Variants in SCOC observed in about 807,000 individuals in gnomAD.
SCOC encodes short coiled-coil protein, also known as short coiled coil protein.
SCOC carries 7 observed loss-of-function variants against 9.9 expected under a neutral mutation model. That is an observed-to-expected ratio of 0.71 (90% CI 0.40 to 1.33). SCOC has a LOEUF of 1.33. Among genes scored for constraint, SCOC ranks in the 40% most tolerant of loss-of-function variants. The pLI, the probability that SCOC is intolerant of heterozygous loss-of-function variation, is 0.01. For missense variants in SCOC, 66 were observed against 89.7 expected (o/e 0.74, Z 1.07); for synonymous variants, 19 against 28.2 (o/e 0.67, Z 1.03).
intron 2 of SCOC, among the ~76,000 whole-genome samples, chr4:140,362,304 T>TCTTCTTCTTCTTCTTCTTCC (rs1415210513): frequency 1.8e-5 from 1 of 55,144 alleles, no homozygotes; most frequent in Non-Finnish European, 4.1e-5. Flanking sequence ...TTCTTCTTTT[T>TCTTCTTCTTCTTCTTCTTCC]TTTTTTTTTT....
At chr4:140,365,809 G>GT (rs1727768687) in intron 2 of SCOC, among the ~76,000 whole-genome samples, 1 of 152,000 alleles carries the variant, frequency 6.6e-6, no homozygotes, top group Non-Finnish European at 1.5e-5. Context: ...TTACTTTATT[G>GT]TAAGAATACA....
chr4:140,377,676 A>G (rs553191018), intron 1 of SCOC, among the ~76,000 whole-genome samples: 1 of 152,320 alleles, frequency 6.6e-6, no homozygotes, highest in African/African-American at 2.4e-5. Context: ...AACAGGATTT[A>G]TGTAGATGTA....
intron 1 of SCOC, among the ~76,000 whole-genome samples, chr4:140,278,546 G>C (rs942838415): frequency 6.6e-6 from 1 of 152,060 alleles, no homozygotes; most frequent in Non-Finnish European, 1.5e-5. Flanking sequence ...TTGTCCACCC[G>C]CCTCAGCCTC....
intron 1 of SCOC, among the ~76,000 whole-genome samples, chr4:140,305,454 A>T (rs896051624): frequency 1.3e-5 from 2 of 152,222 alleles, no homozygotes; most frequent in Non-Finnish European, 2.9e-5. Context: ...ATCTGTATGG[A>T]CCTTAAAATT....
In SCOC at chr4:140,277,244, G is replaced by C. The variant is rs1731004451; in HGVS notation, c.-19+19834G>C. Among the ~76,000 whole-genome samples, 7 of 152,204 alleles carry C rather than the reference G, an allele frequency of 4.6e-5. No homozygotes were observed. The South Asian group carries it at 1.5e-3, about 32-fold the overall frequency. On this transcript the variant is annotated intron_variant, in intron 1 of 4. Transcript: ENST00000394205. ...TACAGGCCAAGAGGGAATAGGCCAA[G>C]AGGGAATATAACTTTCAGGTAGAGG...
chr4:140,304,531 G>A (rs1731908327), intron 1 of SCOC, among the ~76,000 whole-genome samples: 3 of 152,164 alleles, frequency 2.0e-5, no homozygotes. Flanking sequence ...TGTTGCCTAG[G>A]AACTGGGGCT....
At chr4:140,365,337 A>G (rs149513105) in intron 2 of SCOC, among the ~76,000 whole-genome samples, 9 of 152,346 alleles carry the variant, frequency 5.9e-5, no homozygotes, top group African/African-American at 1.9e-4. Context: ...TAGAAGAGGC[A>G]GTGCCAGAAA....
chr4:140,279,953 A>G (rs1238168692), intron 1 of SCOC, among the ~76,000 whole-genome samples: 1 of 152,198 alleles, frequency 6.6e-6, no homozygotes, highest in Non-Finnish European at 1.5e-5. Context: ...AACATAGCAA[A>G]TACATTTTAG....
chr4:140,328,488 A>T (rs1013416496), intron 1 of SCOC, among the ~76,000 whole-genome samples: 1 of 152,162 alleles, frequency 6.6e-6, no homozygotes, highest in Non-Finnish European at 1.5e-5. Flanking sequence ...ACCTCAATGC[A>T]TTTAACAAAT....
intron 2 of SCOC, among the ~76,000 whole-genome samples, chr4:140,346,262 G>A (rs1726734991): frequency 6.6e-6 from 1 of 152,158 alleles, no homozygotes; most frequent in Non-Finnish European, 1.5e-5. Flanking sequence ...AGGATTATAG[G>A]CCCTAATGGG....
intron 1 of SCOC, among the ~76,000 whole-genome samples, chr4:140,374,544 T>A (rs1319318802): frequency 6.6e-6 from 1 of 152,184 alleles, no homozygotes; most frequent in African/African-American, 2.4e-5. Flanking sequence ...TCTTGTGGAA[T>A]TTGAAACTGG....
intron 1 of SCOC, among the ~76,000 whole-genome samples, chr4:140,328,815 A>G (rs1163504650): frequency 2.0e-5 from 3 of 152,128 alleles, no homozygotes; most frequent in Non-Finnish European, 2.9e-5. Flanking sequence ...CTTCCTTGGC[A>G]TCTCCCAACC....
intron 1 of SCOC, among the ~76,000 whole-genome samples, chr4:140,314,711 C>G (rs1732260324): frequency 6.6e-6 from 1 of 152,088 alleles, no homozygotes; most frequent in African/African-American, 2.4e-5. Flanking sequence ...GCAAGAGAGG[C>G]AGATGTGGAA....
chr4:140,326,420 T>C (rs1255827191), intron 1 of SCOC, among the ~76,000 whole-genome samples: 1 of 151,914 alleles, frequency 6.6e-6, no homozygotes, highest in African/African-American at 2.4e-5. Flanking sequence ...GCAGCAACTT[T>C]TAAAGGTGCC....
chr4:140,285,205 C>G, intron 1 of SCOC: 1 of 456,732 alleles, frequency 2.2e-6, no homozygotes. Context: ...GATAGACATC[C>G]TGTTGTATTT....
chr4:140,350,289 C>A (rs141457310), intron 2 of SCOC, among the ~76,000 whole-genome samples: 492 of 152,224 alleles, frequency 3.2e-3, no homozygotes, highest in African/African-American at 0.011. Flanking sequence ...CAATAGACTG[C>A]GAGCTTCTAA....
rs141846714 is a variant in SCOC, at chr4:140,304,023, G to A, written c.-18-39598G>A. ...TTAAGACATGCTGCATACCCTAAAC[G>A]GAGTTCATTGTATCATTTGAGAGAT... On this transcript the variant is annotated intron_variant, in intron 1 of 4. Transcript: ENST00000394205. Among the ~76,000 whole-genome samples the A allele has an allele frequency of 1.4e-3, 212 of 152,272 alleles. 1 individual carries two copies. The highest frequency in any genetic ancestry group is 4.9e-3 in the African/African-American group (202 of 41,554).
At chr4:140,362,777 C>T (rs1727627583) in intron 2 of SCOC, 1 of 152,104 alleles carries the variant, frequency 6.6e-6, no homozygotes. Flanking sequence ...AGATATCCAA[C>T]CAACATTTTC....
upstream of SCOC, among the ~76,000 whole-genome samples, chr4:140,370,542 T>A (rs1728006563): frequency 6.6e-6 from 1 of 152,200 alleles, no homozygotes; most frequent in African/African-American, 2.4e-5. Flanking sequence ...AATTAAAAGA[T>A]TCCCAGGTGA....
Sources: gnomAD v4.1 joint callset for allele counts (sites outside exome capture counted in the v4.1 genomes callset) on GRCh38, gnomAD v4.1.1 for gene constraint, MANE v1.5 for transcripts, NCBI Gene and HGNC (gene_info 2026-07-23, HGNC 2026-07-21) for gene names.